SHANK1: variants seen among roughly 807,000 people sequenced by gnomAD.
SHANK1 encodes SH3 and multiple ankyrin repeat domains protein 1.
Under a neutral mutation model 165.6 loss-of-function variants are expected in SHANK1, and 35 were observed. The ratio of observed to expected loss-of-function variants is 0.21; its 90% CI spans 0.16 to 0.28. The LOEUF is 0.28. SHANK1 is among the 10% of genes least tolerant of loss of function. The probability of loss-of-function intolerance (pLI) is 1.00; values close to 1 mark genes in which losing one functional copy is unlikely to be tolerated. For synonymous variants in SHANK1, 1,428 were observed against 1,384.8 expected, an observed-to-expected ratio of 1.03 and a Z score of -0.69; for missense variants, 2,681 against 3,036.4, an observed-to-expected ratio of 0.88 and a Z score of 2.75.
rs1474955443 is a variant in SHANK1 at position 50,719,758 on chromosome 19, C to A, written c.-396G>T. ...GCCGCCGCCGCCGCCGCCCGCTCCG[C>A]GCCTCCTCTGCCACCCTTCTCGCTC... On this transcript the variant is annotated 5_prime_UTR_variant, in exon 1 of 24. Coordinates refer to ENST00000293441, the MANE Select transcript of SHANK1 (RefSeq NM_016148.5). Among the ~76,000 whole-genome samples the A allele has an allele frequency of 2.0e-5, 3 of 151,274 alleles. No individual in the cohort carries two copies. The East Asian group carries it at 5.9e-4, about 30-fold the overall frequency.
intron 23 of SHANK1, among the ~76,000 whole-genome samples, chr19:50,663,940 C>CTCTCTTTT (rs370276151): frequency 1.8e-5 from 2 of 108,908 alleles, no homozygotes; most frequent in Non-Finnish European, 3.5e-5. Flanking sequence ...CTCTCTCTCT[C>CTCTCTTTT]TTTTTTTTTT....
chr19:50,692,441 G>C (rs1986567581), intron 15 of SHANK1, among the ~76,000 whole-genome samples: 1 of 131,220 alleles, frequency 7.6e-6, no homozygotes, highest in Non-Finnish European at 1.6e-5. Context: ...TCAAAGCCAA[G>C]ATTTGAATTC....
In SHANK1 at chr19:50,672,096, G is replaced by A. The variant is rs140259334; in HGVS notation, c.2596C>T (p.His866Tyr). ...FATESSFDPH[H>Y]RAQPSYERPS... ...CGCTCGTAACTTGGCTGGGCACGGT[G>A]GTGGGGATCGAAGCTCGACTTTGGA... The change falls in exon 22 of 24, where the codon CAC becomes TAC. Residue 866 changes from histidine to tyrosine, a missense_variant. Physicochemically the swap from His to Tyr is moderately conservative, Grantham distance 83. This residue lies in a region of SHANK1 where 206 missense variants were observed against 216.0 expected (regional missense o/e 0.95). Transcript: ENST00000293441. 6.2e-7 allele frequency: 1 copy of A among 1,613,678 alleles called. No homozygotes were observed. Among genetic ancestry groups the A allele is most frequent in the Non-Finnish European group, 8.5e-7 (1 of 1,179,884 alleles).
At chr19:50,694,536 A>C (rs1986660359) in intron 15 of SHANK1, among the ~76,000 whole-genome samples, 1 of 118,118 alleles carries the variant, frequency 8.5e-6, no homozygotes, top group South Asian at 3.4e-4. Flanking sequence ...GTGGGCTCCA[A>C]ATCCTGGAGG....
In SHANK1 at chr19:50,688,968, G is replaced by C. The variant is rs1986451806; in HGVS notation, c.2048C>G (p.Ala683Gly). Residue 683 changes from alanine to glycine, a missense_variant and splice_region_variant, in exon 17 of 24, where the codon GCG becomes GGG. Around this residue, in one of 10 missense-constraint regions of SHANK1, gnomAD observed 147 missense variants for 256.5 expected, o/e 0.57. Coordinates refer to ENST00000293441, the MANE Select transcript of SHANK1 (RefSeq NM_016148.5). This position sits in a 1 kb window ranked among gnomAD's most constrained non-coding sequence, Gnocchi z 6.7. The stretch of plus-strand genomic sequence containing the variant: ...GGTGAACTCCTCGATGGGGGTCTGC[G>C]CTGCAGACAGGGAGGAGCCGGCGGG... ...GFGFVLRGAK[A>G]QTPIEEFTPT... is the part of the protein sequence containing the mutation. The C allele has an allele frequency of 6.5e-7, 1 of 1,542,234 alleles. No individual in the cohort carries two copies. The highest frequency in any genetic ancestry group is 8.8e-7 in the Non-Finnish European group (1 of 1,139,066).
chr19:50,711,218 A>ATGGAT, intron 8 of SHANK1, 153 bp downstream of exon 8: 1 of 567,792 alleles, frequency 1.8e-6, no homozygotes, highest in Non-Finnish European at 3.2e-6. Flanking sequence ...GGATGGATGG[A>ATGGAT]GGAATGAATG....
chr19:50,710,867 C>G (rs2088999450), intron 8 of SHANK1, among the ~76,000 whole-genome samples: 1 of 152,226 alleles, frequency 6.6e-6, no homozygotes, highest in South Asian at 2.1e-4. Context: ...GGACCCACAG[C>G]CCCCTTTCCT....
intron 12 of SHANK1, among the ~76,000 whole-genome samples, chr19:50,699,840 T>TTTGGGGCATTGGAGGATTGGAGGGC (rs1986850694): frequency 2.4e-5 from 3 of 124,096 alleles, no homozygotes; most frequent in Non-Finnish European, 5.1e-5. Context: ...GATTAGAGGG[T>TTTGGGGCATTGGAGGATTGGAGGGC]TTGGGGCATT....
In SHANK1 at chr19:50,662,788, A is replaced by C. The variant is rs1985316747; in HGVS notation, c.5769-106T>G. The C allele has an allele frequency of 2.0e-5, 23 of 1,168,582 alleles. No homozygotes were observed. The highest frequency in any genetic ancestry group is 2.4e-5 in the Non-Finnish European group (20 of 818,324). 72.4% of individuals were successfully genotyped at this position (1,168,582 alleles called of 1,614,324 possible). ...GATATAGGGAGAGAGGAGGAGAGAC[A>C]TAAGGGTAGGGGGAGAGACGGAGGA... On this transcript the variant is annotated intron_variant, in intron 23 of 23. Transcript: ENST00000293441. This position sits in a 1 kb window ranked among gnomAD's most constrained non-coding sequence, Gnocchi z 7.7.
At chr19:50,694,499 G>C (rs1269780146) in intron 15 of SHANK1, among the ~76,000 whole-genome samples, 4 of 148,072 alleles carry the variant, frequency 2.7e-5, no homozygotes, top group Admixed American at 6.7e-5. Context: ...CCGGGGAATG[G>C]GGGCGCTAAG....
At chr19:50,671,736 G>A (rs1985800945) in intron 22 of SHANK1, among the ~76,000 whole-genome samples, 1 of 152,080 alleles carries the variant, frequency 6.6e-6, no homozygotes, top group Admixed American at 6.6e-5. Context: ...CAACCAGAAA[G>A]CTGTAGCGGG....
intron 15 of SHANK1, among the ~76,000 whole-genome samples, chr19:50,692,474 C>A (rs113779231): frequency 1.6e-5 from 2 of 126,688 alleles, no homozygotes; most frequent in African/African-American, 6.7e-5. Flanking sequence ...TATATATATA[C>A]ACACACACAC....
At chr19:50,710,557 T>C (rs1221568500) in intron 8 of SHANK1, among the ~76,000 whole-genome samples, 1 of 152,180 alleles carries the variant, frequency 6.6e-6, no homozygotes. Flanking sequence ...GGTCATGACA[T>C]TGAAAGACCC....
chr19:50,692,155 T>A (rs941122147), intron 15 of SHANK1, among the ~76,000 whole-genome samples: 1 of 152,062 alleles, frequency 6.6e-6, no homozygotes, highest in Non-Finnish European at 1.5e-5. Context: ...CATATATCCA[T>A]CTGCTCGGAA....
At chr19:50,665,566 CAAAAAA>C (rs141839934) in intron 23 of SHANK1, among the ~76,000 whole-genome samples, 2 of 47,630 alleles carry the variant, frequency 4.2e-5, no homozygotes, top group Admixed American at 2.9e-4. Flanking sequence ...GACTCTGTCT[CAAAAAA>C]AAAAAAAAAA....
Position 50,659,570 on chromosome 19 carries a change from C to T in SHANK1, c.*2395G>A, listed in dbSNP as rs1304862771. ...CCCCCCTCCTCTTCCCCTCCCACCCCCCCTTGGAAGACAATTCTCGGGCTT... is the reference window on the plus strand; with the variant it reads ...CCCCCCTCCTCTTCCCCTCCCACCCTCCCTTGGAAGACAATTCTCGGGCTT... On this transcript the variant is annotated 3_prime_UTR_variant, in exon 24 of 24. Coordinates refer to ENST00000293441, the MANE Select transcript of SHANK1 (RefSeq NM_016148.5). 1.3e-5 allele frequency among the ~76,000 whole-genome samples: 2 copies of T among 149,206 alleles called. No individual in the cohort carries two copies.
intron 21 of SHANK1, among the ~76,000 whole-genome samples, chr19:50,684,469 G>T (rs1178536212): frequency 6.6e-6 from 1 of 152,116 alleles, no homozygotes; most frequent in Non-Finnish European, 1.5e-5. Context: ...CAGGTGATCA[G>T]CCCACTTCAG....
At position 50,688,129 on chromosome 19, in the gene SHANK1, A is replaced by G; in HGVS notation, c.2173-71T>C. ...GGGTGCTTGCAGCTTCAGAGACCCCAAGGAGGATGCCTCCTGCGCTGCCCT... is the reference window on the plus strand; with the variant it reads ...GGGTGCTTGCAGCTTCAGAGACCCCGAGGAGGATGCCTCCTGCGCTGCCCT... On this transcript the variant is annotated intron_variant, in intron 17 of 23. Transcript: ENST00000293441. The surrounding 1 kb of genome is among the most constrained non-coding windows in gnomAD (Gnocchi z 6.7). The G allele has an allele frequency of 6.3e-7, 1 of 1,580,554 alleles. No individual in the cohort carries two copies.
At chr19:50,680,562 C>A (rs992640650) in intron 21 of SHANK1, among the ~76,000 whole-genome samples, 4 of 152,092 alleles carry the variant, frequency 2.6e-5, no homozygotes, top group Non-Finnish European at 4.4e-5. Context: ...GGCTCCGCGC[C>A]CCTGCTGTCC....
Sources: allele counts gnomAD v4.1 joint callset (sites outside exome capture counted in the v4.1 genomes callset), GRCh38; gene constraint gnomAD v4.1.1; regional missense constraint gnomAD v4.1.1; non-coding constraint Gnocchi (gnomAD v3.1); transcripts MANE v1.5; gene names NCBI Gene and HGNC (gene_info 2026-07-23, HGNC 2026-07-21).